The following LRRTM4 variants were observed in gnomAD, a reference collection of about 807,000 sequenced individuals.
LRRTM4 encodes leucine-rich repeat transmembrane neuronal protein 4.
In LRRTM4, 25 loss-of-function variants were observed where a neutral mutation model predicts 47.6. The observed-to-expected ratio is 0.53, with a 90% CI of 0.38 to 0.73. The LOEUF is 0.73. Ranked by LOEUF, LRRTM4 falls within the 30% of genes least tolerant of loss-of-function variation. LRRTM4 has a pLI of 0.00. For missense variants in LRRTM4, 638 were observed against 713.4 expected, an observed-to-expected ratio of 0.89 and a Z score of 1.20; for synonymous variants, 311 against 269.5, an observed-to-expected ratio of 1.15 and a Z score of -1.51.
chr2:77,429,575 T>G (rs1276213452), intron 3 of LRRTM4, among the ~76,000 whole-genome samples: 3 of 152,016 alleles, frequency 2.0e-5, no homozygotes, highest in Non-Finnish European at 2.9e-5. Context: ...CTGGAGAACA[T>G]AACTTTAATT....
At chr2:76,918,791 A>C (rs1008084013) in intron 3 of LRRTM4, among the ~76,000 whole-genome samples, 2 of 152,194 alleles carry the variant, frequency 1.3e-5, no homozygotes, top group African/African-American at 4.8e-5. Context: ...GGAACTTAAG[A>C]AGTCTTCAGA....
chr2:77,429,268 G>A (rs1033130764), intron 3 of LRRTM4, among the ~76,000 whole-genome samples: 1 of 152,068 alleles, frequency 6.6e-6, no homozygotes, highest in Admixed American at 6.6e-5. Context: ...GATCTTATAA[G>A]AATAAGATCT....
At chr2:76,887,353 A>G (rs1300740408) in intron 3 of LRRTM4, among the ~76,000 whole-genome samples, 7 of 151,682 alleles carry the variant, frequency 4.6e-5, no homozygotes, top group Admixed American at 2.6e-4. Flanking sequence ...CTAAACGTGT[A>G]TAATTTTTTT....
intron 3 of LRRTM4, among the ~76,000 whole-genome samples, chr2:77,366,230 G>A (rs1477304951): frequency 6.6e-6 from 1 of 151,766 alleles, no homozygotes; most frequent in Non-Finnish European, 1.5e-5. Context: ...AGTATTAACA[G>A]ATCTAATGGT....
At chr2:77,225,841 C>G (rs975885711) in intron 3 of LRRTM4, among the ~76,000 whole-genome samples, 1 of 151,702 alleles carries the variant, frequency 6.6e-6, no homozygotes, top group Non-Finnish European at 1.5e-5. Flanking sequence ...GTAGCACATT[C>G]AAATATAATA....
intron 3 of LRRTM4, among the ~76,000 whole-genome samples, chr2:76,775,201 C>G (rs1184308578): frequency 1.3e-5 from 2 of 152,140 alleles, no homozygotes; most frequent in East Asian, 1.9e-4. Context: ...GGCTTGATGG[C>G]TTTTGCAATT....
At chr2:77,301,137 A>C (rs540897698) in intron 3 of LRRTM4, among the ~76,000 whole-genome samples, 1 of 152,154 alleles carries the variant, frequency 6.6e-6, no homozygotes, top group South Asian at 2.1e-4. Flanking sequence ...ACACATATTC[A>C]ATGTACTTCA....
At chr2:77,274,672 T>A (rs1283156878) in intron 3 of LRRTM4, among the ~76,000 whole-genome samples, 3 of 152,136 alleles carry the variant, frequency 2.0e-5, no homozygotes, top group African/African-American at 4.8e-5. Context: ...GTCTCAGAGA[T>A]TTTTTGGCTC....
At chr2:77,031,556 G>A (rs1678657165) in intron 3 of LRRTM4, among the ~76,000 whole-genome samples, 1 of 152,036 alleles carries the variant, frequency 6.6e-6, no homozygotes, top group African/African-American at 2.4e-5. Flanking sequence ...GGTTACTCGG[G>A]GAGTGAGATA....
chr2:76,912,342 T>C (rs1674097505), intron 3 of LRRTM4, among the ~76,000 whole-genome samples: 1 of 152,226 alleles, frequency 6.6e-6, no homozygotes, highest in Non-Finnish European at 1.5e-5. Context: ...GTAAAAATGA[T>C]ATAATATTCC....
At chr2:77,202,171 G>C (rs11126593) in intron 3 of LRRTM4, among the ~76,000 whole-genome samples, 6 of 151,944 alleles carry the variant, frequency 3.9e-5, no homozygotes, top group Non-Finnish European at 8.8e-5. Context: ...CCAGATATTG[G>C]CAAAAGTGAT....
At chr2:77,084,938 T>C (rs1187553418) in intron 3 of LRRTM4, among the ~76,000 whole-genome samples, 1 of 152,188 alleles carries the variant, frequency 6.6e-6, no homozygotes, top group Admixed American at 6.5e-5. Flanking sequence ...ACATAAGCAA[T>C]TTTAAATTTC....
intron 3 of LRRTM4, among the ~76,000 whole-genome samples, chr2:76,807,471 C>CATATATATAT (rs1553412706): frequency 9.2e-5 from 9 of 97,456 alleles, no homozygotes; most frequent in East Asian, 3.2e-4. Context: ...TATATATATA[C>CATATATATAT]ATATATATAT....
chr2:77,316,484 C>A (rs549470346), intron 3 of LRRTM4, among the ~76,000 whole-genome samples: 1 of 151,488 alleles, frequency 6.6e-6, no homozygotes, highest in Non-Finnish European at 1.5e-5. Context: ...CAGAGCTGGC[C>A]AGTGTTTGGC....
intron 3 of LRRTM4, among the ~76,000 whole-genome samples, chr2:76,881,957 G>A (rs770799703): frequency 1.3e-5 from 2 of 152,032 alleles, no homozygotes; most frequent in Non-Finnish European, 2.9e-5. Flanking sequence ...TTCCTGATTG[G>A]TGAAAGTGGT....
At chr2:77,064,133 G>A (rs562407415) in intron 3 of LRRTM4, among the ~76,000 whole-genome samples, 3 of 152,120 alleles carry the variant, frequency 2.0e-5, no homozygotes, top group Non-Finnish European at 2.9e-5. Flanking sequence ...TTTATTGGGG[G>A]TAAAAGTTAA....
intron 3 of LRRTM4, among the ~76,000 whole-genome samples, chr2:77,070,100 T>C (rs1232545038): frequency 6.6e-6 from 1 of 152,152 alleles, no homozygotes; most frequent in Non-Finnish European, 1.5e-5. Context: ...AGCTATCGCG[T>C]GCTTCTGCTT....
chr2:77,407,064 C>T (rs1399458569), intron 3 of LRRTM4, among the ~76,000 whole-genome samples: 1 of 151,998 alleles, frequency 6.6e-6, no homozygotes, highest in Non-Finnish European at 1.5e-5. Flanking sequence ...ATAATTTATT[C>T]CTTACGACGA....
At position 77,009,629 on chromosome 2, in the gene LRRTM4, C is replaced by T. The variant is rs541166873; in HGVS notation, c.1552-260713G>A. On this transcript the variant is annotated intron_variant, in intron 3 of 3. Coordinates refer to ENST00000409884, the MANE Select transcript of LRRTM4 (RefSeq NM_001134745.3). ...ATAAAGCTAAGACTGTGGTAAGTCT[C>T]GCATTTTTAACATTAAACTTGAACA... The T allele has an allele frequency of 2.6e-5, 4 of 152,174 alleles. No homozygotes were observed. The East Asian group carries it at 7.7e-4, about 29-fold the overall frequency. The allele number at this position is 152,174 out of a possible 1,614,324, so 9.4% of individuals were successfully genotyped here. A position where few individuals can be genotyped will look rare whatever the true frequency, so the allele number is the denominator to read the frequency against.
Sources: gnomAD v4.1 joint callset for allele counts (sites outside exome capture counted in the v4.1 genomes callset) on GRCh38, gnomAD v4.1.1 for gene constraint, MANE v1.5 for transcripts, NCBI Gene and HGNC (gene_info 2026-07-23, HGNC 2026-07-21) for gene names.